The following LBR variants were observed in gnomAD, a reference collection of about 807,000 sequenced individuals.
LBR encodes the protein delta(14)-sterol reductase LBR.
LBR carries 28 observed loss-of-function variants against 74.3 expected under a neutral mutation model. The ratio of observed to expected loss-of-function variants is 0.38; its 90% CI spans 0.28 to 0.52. LBR has a LOEUF of 0.52. Among genes scored for constraint, LBR ranks in the 20% least tolerant of loss-of-function variants. The pLI, the probability that LBR is intolerant of heterozygous loss-of-function variation, is 0.89. For missense variants in LBR, 717 were observed against 760.3 expected (o/e 0.94, Z 0.67); for synonymous variants, 228 against 269.3 (o/e 0.85, Z 1.50).
At position 225,410,174 on chromosome 1, in the gene LBR, G is replaced by C. The variant is rs2096101734; in HGVS notation, c.1314+117C>G. Reference sequence around the variant, plus strand: ...GATGGCCTCGTCCTCCTCTCAAGCAGCCTTGGAGGCAGGCCATGCTCCCCT... The same window carrying C: ...GATGGCCTCGTCCTCCTCTCAAGCACCCTTGGAGGCAGGCCATGCTCCCCT... On this transcript the variant is annotated intron_variant, in intron 10 of 13. Transcript: ENST00000272163. 1.6e-5 allele frequency: 24 copies of C among 1,497,996 alleles called. No homozygotes were observed. The South Asian group carries it at 2.5e-4, about 16-fold the overall frequency. The allele number at this position is 1,497,996 out of a possible 1,614,324, so 92.8% of individuals were successfully genotyped here. A position where few individuals can be genotyped will look rare whatever the true frequency, so the allele number is the denominator to read the frequency against.
At chr1:225,424,364 T>C (rs565787238) in intron 1 of LBR, among the ~76,000 whole-genome samples, 2 of 152,312 alleles carry the variant, frequency 1.3e-5, no homozygotes, top group South Asian at 4.1e-4. Flanking sequence ...TGATCACAGT[T>C]CTCGCTAATC....
chr1:225,419,514 T>A, intron 4 of LBR, 62 bp from the exon 5 acceptor site: 1 of 1,200,764 alleles, frequency 8.3e-7, no homozygotes, highest in Non-Finnish European at 1.2e-6. Context: ...TGCTACTGCA[T>A]TAACTATTTC....
intron 11 of LBR, among the ~76,000 whole-genome samples, chr1:225,406,048 T>G (rs541350579): frequency 6.6e-6 from 1 of 152,308 alleles, no homozygotes; most frequent in South Asian, 2.1e-4. Context: ...ACTGGACTTC[T>G]CAGTCTTTCC....
chr1:225,406,587 G>C, intron 11 of LBR, 77 bp downstream of exon 11: 3 of 1,280,868 alleles, frequency 2.3e-6, no homozygotes, highest in Non-Finnish European at 3.3e-6. Flanking sequence ...CATGTTTCAA[G>C]TATGTAGACA....
intron 2 of LBR, among the ~76,000 whole-genome samples, chr1:225,423,181 A>G (rs1200904889): frequency 6.6e-6 from 1 of 152,232 alleles, no homozygotes; most frequent in African/African-American, 2.4e-5. Context: ...CGAATCTGAT[A>G]GTAAAACTGT....
intron 9 of LBR, 142 bp from the exon 10 acceptor site, chr1:225,410,558 C>T: frequency 2.4e-6 from 2 of 818,104 alleles, no homozygotes; most frequent in Non-Finnish European, 4.1e-6. Context: ...TAAGACATCT[C>T]AGCACCATGG....
Position 225,410,371 on chromosome 1 carries a change from C to A in LBR, c.1234G>T (p.Asp412Tyr), listed in dbSNP as rs2096102253. 1 of 1,614,174 alleles carries A rather than the reference C, an allele frequency of 6.2e-7. No homozygotes were observed. Among genetic ancestry groups the A allele is most frequent in the East Asian group, 2.2e-5 (1 of 44,884 alleles). The change falls in exon 10 of 14, where the codon GAC becomes TAC. Residue 412 changes from aspartate (D) to tyrosine (Y), a missense_variant. Physicochemically the swap from Asp to Tyr is radical, Grantham distance 160. Transcript: ENST00000272163. ...VMLLAEMKIQ[D>Y]RAVPSLAMIL... Reference sequence around the variant, plus strand: ...ATGGCCAAGGATGGAACAGCGCGGTCCTGTATTTTCATTTCAGCCAAAAGC... The same window carrying A: ...ATGGCCAAGGATGGAACAGCGCGGTACTGTATTTTCATTTCAGCCAAAAGC...
intron 11 of LBR, among the ~76,000 whole-genome samples, chr1:225,405,886 T>G (rs1233282972): frequency 6.6e-6 from 1 of 152,232 alleles, no homozygotes; most frequent in South Asian, 2.1e-4. Flanking sequence ...AGATACTAAC[T>G]TGTGTAGCAA....
chr1:225,418,587 A>C (rs1487947664), intron 5 of LBR, among the ~76,000 whole-genome samples: 4 of 152,214 alleles, frequency 2.6e-5, no homozygotes, highest in Non-Finnish European at 5.9e-5. Context: ...CTAACAATTA[A>C]AATAGTGTCA....
intron 10 of LBR, 47 bp from the exon 11 acceptor site, chr1:225,406,879 A>C (rs1470525028): frequency 6.3e-7 from 1 of 1,577,358 alleles, no homozygotes; most frequent in Admixed American, 1.7e-5. Context: ...TCTGTGTTTA[A>C]AGTATTCAAA....
At chr1:225,406,192 AC>A (rs1425673305) in intron 11 of LBR, among the ~76,000 whole-genome samples, 1 of 152,078 alleles carries the variant, frequency 6.6e-6, no homozygotes, top group Non-Finnish European at 1.5e-5. Flanking sequence ...GTTCACACTA[AC>A]GCTCCCCAGA....
At chr1:225,426,874 GTTC>G (rs1460652993) in intron 1 of LBR, among the ~76,000 whole-genome samples, 2 of 152,148 alleles carry the variant, frequency 1.3e-5, no homozygotes, top group Non-Finnish European at 2.9e-5. Flanking sequence ...CCTCCTGCTC[GTTC>G]TTCTCCCTCT....
At chr1:225,405,992 G>A (rs2096090707) in intron 11 of LBR, among the ~76,000 whole-genome samples, 1 of 152,126 alleles carries the variant, frequency 6.6e-6, no homozygotes, top group African/African-American at 2.4e-5. Flanking sequence ...AATTCATCCT[G>A]AAGTAAAATC....
chr1:225,425,219 G>A (rs2096136652), intron 1 of LBR, among the ~76,000 whole-genome samples: 2 of 151,386 alleles, frequency 1.3e-5, no homozygotes, highest in Non-Finnish European at 1.5e-5. Context: ...AGTAGTGGGA[G>A]AGTGGGGGGG....
intron 10 of LBR, among the ~76,000 whole-genome samples, chr1:225,409,922 T>C (rs528849502): frequency 9.8e-4 from 149 of 152,346 alleles, no homozygotes; most frequent in African/African-American, 3.5e-3. Context: ...ATTTAAAAAC[T>C]AGGTGACTCT....
chr1:225,421,890 G>A (rs953711919), intron 3 of LBR, among the ~76,000 whole-genome samples, 187 bp downstream of exon 3: 48 of 152,140 alleles, frequency 3.2e-4, no homozygotes, highest in African/African-American at 1.1e-3. Flanking sequence ...GGTAACTGAA[G>A]GACATTCTTT....
chr1:225,406,210 T>G (rs1257234359), intron 11 of LBR, among the ~76,000 whole-genome samples: 1 of 152,138 alleles, frequency 6.6e-6, no homozygotes, highest in African/African-American at 2.4e-5. Context: ...CAGAGAGAAG[T>G]TCTCTCTATC....
At chr1:225,410,494 T>C (rs2096102611) in intron 9 of LBR, 78 bp from the exon 10 acceptor site, 7 of 1,512,418 alleles carry the variant, frequency 4.6e-6, no homozygotes, top group Admixed American at 1.7e-5. Flanking sequence ...TGAGTGAGCT[T>C]CACAGCTGAG....
At chr1:225,417,731 T>C in intron 6 of LBR, 1 of 351,052 alleles carries the variant, frequency 2.8e-6, no homozygotes, top group Non-Finnish European at 5.2e-6. Context: ...TTTAAGTTCC[T>C]CCTAATAAGC....
Sources: gnomAD v4.1 joint callset for allele counts (sites outside exome capture counted in the v4.1 genomes callset) on GRCh38, gnomAD v4.1.1 for gene constraint, MANE v1.5 for transcripts, NCBI Gene and HGNC (gene_info 2026-07-23, HGNC 2026-07-21) for gene names.